Variants in CACNB4 observed in about 807,000 individuals in gnomAD.
CACNB4 encodes voltage-dependent L-type calcium channel subunit beta-4.
A neutral mutation model predicts 71.2 loss-of-function variants in CACNB4; 32 were observed. That is an observed-to-expected ratio of 0.45 (90% CI 0.34 to 0.60). The LOEUF is 0.60. Ranked by LOEUF, CACNB4 falls within the 20% of genes least tolerant of loss-of-function variation. The probability of loss-of-function intolerance (pLI) is 0.01; values close to 1 mark genes in which losing one functional copy is unlikely to be tolerated. For missense variants in CACNB4, 464 were observed against 647.9 expected (o/e 0.72, Z 3.08); for synonymous variants, 231 against 236.9 (o/e 0.97, Z 0.23).
intron 2 of CACNB4, among the ~76,000 whole-genome samples, chr2:151,934,904 CATTG>C (rs1189867764): frequency 1.3e-5 from 2 of 152,218 alleles, no homozygotes; most frequent in Non-Finnish European, 2.9e-5. Context: ...CAATAATATG[CATTG>C]ATTAACTGTT....
At chr2:151,904,458 G>GA (rs2099854258) in intron 2 of CACNB4, among the ~76,000 whole-genome samples, 2 of 106,208 alleles carry the variant, frequency 1.9e-5, no homozygotes, top group Non-Finnish European at 2.7e-5. Flanking sequence ...TAACCAGGTG[G>GA]GAAAAAAATC....
At chr2:151,940,230 G>A (rs1193230869) in intron 2 of CACNB4, among the ~76,000 whole-genome samples, 3 of 152,100 alleles carry the variant, frequency 2.0e-5, no homozygotes, top group Admixed American at 6.6e-5. Context: ...TCTATATACT[G>A]GAGACATGAG....
At chr2:152,062,974 G>A (rs901247232) in intron 2 of CACNB4, among the ~76,000 whole-genome samples, 10 of 152,186 alleles carry the variant, frequency 6.6e-5, no homozygotes, top group East Asian at 1.9e-4. Context: ...AGACATCCAC[G>A]CAGAGGAGGA....
chr2:152,007,399 A>C (rs1682790396), intron 2 of CACNB4, among the ~76,000 whole-genome samples: 1 of 152,220 alleles, frequency 6.6e-6, no homozygotes, highest in Admixed American at 6.5e-5. Context: ...AAACCCTGGC[A>C]ACCACTATTA....
rs1248098337 is a variant in CACNB4 at position 151,881,367 on chromosome 2, C to T, written c.268-445G>A. Among the ~76,000 whole-genome samples the T allele has an allele frequency of 4.6e-5, 7 of 151,692 alleles. No individual in the cohort carries two copies. In the South Asian group the frequency reaches 6.2e-4, roughly 13 times the overall value. On this transcript the variant is annotated intron_variant, in intron 3 of 13. Coordinates refer to ENST00000539935, the MANE Select transcript of CACNB4 (RefSeq NM_000726.5). ...TTTTTAAATAGTCCAGATCTGAAAACGTGTGGGATTCTATACAACAGAATA... is the reference window on the plus strand; with the variant it reads ...TTTTTAAATAGTCCAGATCTGAAAATGTGTGGGATTCTATACAACAGAATA...
rs543474812 is a variant in CACNB4, at chr2:151,948,326, A to G, written c.148-64956T>C. On this transcript the variant is annotated intron_variant, in intron 2 of 13. Transcript: ENST00000539935. ...GGCAGAAGACAGCCACTCCCACTAC[A>G]GTCTTGAATGTCCCTTTCTGTGCTC... is the stretch of plus-strand genomic sequence containing the variant. 2.3e-3 allele frequency among the ~76,000 whole-genome samples: 349 copies of G among 152,272 alleles called. 3 individuals carry two copies. The highest frequency in any genetic ancestry group is 7.8e-3 in the African/African-American group (326 of 41,542).
chr2:152,068,128 C>A (rs1298122620), intron 2 of CACNB4, among the ~76,000 whole-genome samples: 1 of 152,104 alleles, frequency 6.6e-6, no homozygotes, highest in Non-Finnish European at 1.5e-5. Flanking sequence ...ATGTCAAAGT[C>A]AGAGCCCTCA....
rs72868085 is a variant in CACNB4 at position 151,927,075 on chromosome 2, C to T, written c.148-43705G>A. The stretch of plus-strand genomic sequence containing the variant: ...TCTGAGAAGGAGTCCACGGCTTCAC[C>T]AGACCATTAAAGGTCTTTATGGCAC... On this transcript the variant is annotated intron_variant, in intron 2 of 13. Transcript: ENST00000539935. Among the ~76,000 whole-genome samples, 731 of 152,236 alleles carry T rather than the reference C, an allele frequency of 4.8e-3. 3 individuals are homozygous for T. The highest frequency in any genetic ancestry group is 0.031 in the Middle Eastern group (9 of 294).
intron 2 of CACNB4, among the ~76,000 whole-genome samples, chr2:152,090,562 G>A (rs1430767364): frequency 6.6e-6 from 1 of 151,516 alleles, no homozygotes; most frequent in African/African-American, 2.4e-5. Context: ...AGAATTGCTT[G>A]AACCTGGGAG....
At chr2:151,897,117 C>T (rs1411184474) in intron 2 of CACNB4, among the ~76,000 whole-genome samples, 1 of 152,222 alleles carries the variant, frequency 6.6e-6, no homozygotes, top group Non-Finnish European at 1.5e-5. Context: ...GCTAGGTTCT[C>T]TCCAGCACAT....
Position 151,911,520 on chromosome 2 carries a change from G to C in CACNB4, c.148-28150C>G, listed in dbSNP as rs139769877. Among the ~76,000 whole-genome samples the C allele has an allele frequency of 3.4e-3, 519 of 152,308 alleles. 2 individuals carry two copies. Among genetic ancestry groups the C allele is most frequent in the African/African-American group, 0.012 (500 of 41,550 alleles). On this transcript the variant is annotated intron_variant, in intron 2 of 13. Coordinates refer to ENST00000539935, the MANE Select transcript of CACNB4 (RefSeq NM_000726.5). ...TGAACCAGCCTTGCATCCCAGGAAT[G>C]AAGCCGTCTTGATCATGGTGGATAA...
Position 151,833,905 on chromosome 2 carries a change from T to C in CACNB4, c.*5214A>G, listed in dbSNP as rs1259130029. 6.6e-6 allele frequency: 1 copy of C among 152,128 alleles called. No homozygotes were observed. Among genetic ancestry groups the C allele is most frequent in the Non-Finnish European group, 1.5e-5 (1 of 67,940 alleles). 9.4% of individuals were successfully genotyped at this position (152,128 alleles called of 1,614,324 possible). ...TATAAGTAACAACATAGATTTATTTTGGCAATAAAATGCTTTCATTTTAAT... is the reference window on the plus strand; with the variant it reads ...TATAAGTAACAACATAGATTTATTTCGGCAATAAAATGCTTTCATTTTAAT... On this transcript the variant is annotated 3_prime_UTR_variant, in exon 14 of 14. Transcript: ENST00000539935.
rs188713188 is a variant in CACNB4, at chr2:151,924,258, T to G, written c.148-40888A>C. On this transcript the variant is annotated intron_variant, in intron 2 of 13. Transcript: ENST00000539935. ...CACTCCCGGCTAATTATTTGTATTT[T>G]TAGTAGAGATGGGGTTTCACCGTGT... is the stretch of plus-strand genomic sequence containing the variant. 3.9e-3 allele frequency among the ~76,000 whole-genome samples: 584 copies of G among 151,458 alleles called. 3 individuals carry two copies. The highest frequency in any genetic ancestry group is 6.7e-3 in the Non-Finnish European group (457 of 67,838).
intron 2 of CACNB4, among the ~76,000 whole-genome samples, chr2:151,946,561 T>C (rs2099865668): frequency 6.6e-6 from 1 of 152,192 alleles, no homozygotes; most frequent in Non-Finnish European, 1.5e-5. Context: ...CTTAACAATA[T>C]ATAATGAGAT....
chr2:152,085,283 C>T (rs544787894), intron 2 of CACNB4, among the ~76,000 whole-genome samples: 8 of 152,138 alleles, frequency 5.3e-5, no homozygotes, highest in Admixed American at 2.0e-4. Flanking sequence ...GATGGGAGCA[C>T]GGCTGCTTTG....
At chr2:151,884,768 C>T (rs2099848924) in intron 2 of CACNB4, among the ~76,000 whole-genome samples, 3 of 152,010 alleles carry the variant, frequency 2.0e-5, no homozygotes, top group Admixed American at 1.3e-4. Context: ...GCTACAGGAA[C>T]ATCATCCTTA....
chr2:151,859,786 C>T (rs767167358), intron 10 of CACNB4: 4 of 152,220 alleles, frequency 2.6e-5, no homozygotes, highest in Non-Finnish European at 5.9e-5. Flanking sequence ...GTCAGGAACA[C>T]ACAGATAATA....
chr2:152,098,728 A>G lies in CACNB4; in HGVS notation c.63+221T>C. The G allele has an allele frequency of 6.5e-7, 1 of 1,546,978 alleles. No individual in the cohort carries two copies. Among genetic ancestry groups the G allele is most frequent in the Non-Finnish European group, 8.7e-7 (1 of 1,143,754 alleles). On this transcript the variant is annotated intron_variant, in intron 1 of 13. Transcript: ENST00000539935. This position sits in a 1 kb window ranked among gnomAD's most constrained non-coding sequence, Gnocchi z 5.3. ...GCTGCGGGCTCCGGAGCGGGAGCGCAGAGACCCGAAGGAGGGTGAGGAGGA... is the reference window on the plus strand; with the variant it reads ...GCTGCGGGCTCCGGAGCGGGAGCGCGGAGACCCGAAGGAGGGTGAGGAGGA...
intron 2 of CACNB4, among the ~76,000 whole-genome samples, chr2:151,923,203 G>C (rs1304511104): frequency 6.6e-6 from 1 of 152,230 alleles, no homozygotes; most frequent in Non-Finnish European, 1.5e-5. Flanking sequence ...TTAGCCTCCA[G>C]ACTATGTGGT....
Sources: allele counts gnomAD v4.1 joint callset (sites outside exome capture counted in the v4.1 genomes callset), GRCh38; gene constraint gnomAD v4.1.1; non-coding constraint Gnocchi (gnomAD v3.1); transcripts MANE v1.5; gene names NCBI Gene and HGNC (gene_info 2026-07-23, HGNC 2026-07-21).